Variants in NFAM1 observed in about 807,000 individuals in gnomAD.
NFAM1 encodes the protein NFAT activating protein with ITAM motif 1.
A neutral mutation model predicts 29.0 loss-of-function variants in NFAM1; 17 were observed. The observed-to-expected ratio is 0.59, with a 90% CI of 0.40 to 0.88. The LOEUF is 0.88. Among genes scored for constraint, NFAM1 ranks in the 40% least tolerant of loss-of-function variants. The pLI is 0.00. For missense variants in NFAM1, 324 were observed against 344.6 expected, an observed-to-expected ratio of 0.94 and a Z score of 0.47; for synonymous variants, 175 against 147.2, an observed-to-expected ratio of 1.19 and a Z score of -1.36.
chr22:42,417,564 G>A (rs1376779855), intron 1 of NFAM1, among the ~76,000 whole-genome samples: 1 of 152,170 alleles, frequency 6.6e-6, no homozygotes, highest in South Asian at 2.1e-4. Flanking sequence ...GTGGAGAGCG[G>A]GGCCTGGAGG....
chr22:42,428,244 T>C (rs1056971841), intron 1 of NFAM1, among the ~76,000 whole-genome samples: 2 of 152,140 alleles, frequency 1.3e-5, no homozygotes, highest in East Asian at 3.9e-4. Context: ...CCTCCCGCTC[T>C]GTCCCCACTC....
chr22:42,397,849 G>C lies in NFAM1; in HGVS notation c.663+9C>G, dbSNP rs779000143. 19 of 1,580,996 alleles carry C rather than the reference G, an allele frequency of 1.2e-5. No homozygotes were observed. In the African/African-American group the frequency reaches 2.0e-4, roughly 17 times the overall value. On this transcript the variant is annotated intron_variant, in intron 4 of 5. Transcript: ENST00000329021. ...AGAGGTGGAGGGAGCCGGGGGCCCCGGGACTCACTGTGTAGACAGATTCTG... is the reference window on the plus strand; with the variant it reads ...AGAGGTGGAGGGAGCCGGGGGCCCCCGGACTCACTGTGTAGACAGATTCTG...
In NFAM1 at chr22:42,407,534, A is replaced by T. The variant is rs184291624; in HGVS notation, c.564+1901T>A. Among the ~76,000 whole-genome samples, 34 of 151,488 alleles carry T rather than the reference A, an allele frequency of 2.2e-4. 1 individual carries two copies. The highest frequency in any genetic ancestry group is 8.0e-4 in the African/African-American group (33 of 41,242). On this transcript the variant is annotated intron_variant, in intron 3 of 5. Transcript: ENST00000329021. ...CAGGCGCCTACCACCACACCTGGCTAATGTTTTTGTATTTTTAGTAGAGAT... is the reference window on the plus strand; with the variant it reads ...CAGGCGCCTACCACCACACCTGGCTTATGTTTTTGTATTTTTAGTAGAGAT...
intron 3 of NFAM1, among the ~76,000 whole-genome samples, chr22:42,405,755 A>G (rs1034775143): frequency 1.3e-5 from 2 of 152,120 alleles, no homozygotes; most frequent in African/African-American, 4.8e-5. Flanking sequence ...GCCCTCCTGG[A>G]CTTCACAGTG....
At position 42,389,486 on chromosome 22, in the gene NFAM1, T is replaced by A. The variant is rs545742414; in HGVS notation, c.664-2408A>T. ...AGGCTGTGAAATGCAGGGTGCAGCC[T>A]TGGCAACAGGACACCCTTTGAGCTC... is the stretch of plus-strand genomic sequence containing the variant. On this transcript the variant is annotated intron_variant, in intron 4 of 5. Transcript: ENST00000329021. Among the ~76,000 whole-genome samples the A allele has an allele frequency of 2.0e-5, 3 of 152,274 alleles. No homozygotes were observed. The East Asian group carries it at 5.8e-4, about 29-fold the overall frequency.
intron 1 of NFAM1, among the ~76,000 whole-genome samples, chr22:42,413,037 C>T (rs1308753003): frequency 6.6e-6 from 1 of 152,202 alleles, no homozygotes; most frequent in African/African-American, 2.4e-5. Flanking sequence ...CTGGGGGCAG[C>T]AGCCGCCCCC....
At chr22:42,417,465 C>T (rs754279596) in intron 1 of NFAM1, among the ~76,000 whole-genome samples, 1 of 152,186 alleles carries the variant, frequency 6.6e-6, no homozygotes, top group Admixed American at 6.5e-5. Context: ...GGAAACGTCT[C>T]AAGGAGCCCC....
chr22:42,417,150 C>T (rs11912314), intron 1 of NFAM1, among the ~76,000 whole-genome samples: 4 of 152,036 alleles, frequency 2.6e-5, no homozygotes, highest in African/African-American at 9.7e-5. Flanking sequence ...AGAGAAGAGG[C>T]ACCTCGCCCC....
chr22:42,396,500 TA>T (rs1929530921), intron 4 of NFAM1, among the ~76,000 whole-genome samples: 1 of 151,940 alleles, frequency 6.6e-6, no homozygotes, highest in Non-Finnish European at 1.5e-5. Context: ...TATATATATA[TA>T]TCTCACATAT....
intron 3 of NFAM1, among the ~76,000 whole-genome samples, chr22:42,406,240 G>T (rs2147104163): frequency 6.6e-6 from 1 of 152,278 alleles, no homozygotes; most frequent in South Asian, 2.1e-4. Flanking sequence ...TCCGCTTCCA[G>T]CCTTTCATCT....
chr22:42,415,966 G>T (rs1292959676), intron 1 of NFAM1, among the ~76,000 whole-genome samples: 2 of 152,210 alleles, frequency 1.3e-5, no homozygotes, highest in Non-Finnish European at 2.9e-5. Context: ...AGAAGGGCTG[G>T]TATGGGGAGC....
chr22:42,391,441 C>G (rs1011367587), intron 4 of NFAM1, among the ~76,000 whole-genome samples: 2 of 152,090 alleles, frequency 1.3e-5, no homozygotes, highest in East Asian at 1.9e-4. Context: ...AGGCAAGAAA[C>G]GGGAGTGGCT....
intron 1 of NFAM1, among the ~76,000 whole-genome samples, chr22:42,422,225 A>G (rs1020719096): frequency 6.6e-6 from 1 of 152,194 alleles, no homozygotes. Flanking sequence ...ACACAAACCA[A>G]GTGCAGAACG....
At chr22:42,411,824 G>T in intron 1 of NFAM1, 88 bp from the exon 2 acceptor site, 3 of 870,836 alleles carry the variant, frequency 3.4e-6, no homozygotes, top group Non-Finnish European at 5.5e-6. Context: ...ACGACCGGGT[G>T]CGGTGGCTCA....
At chr22:42,404,081 G>C (rs965619006) in intron 3 of NFAM1, among the ~76,000 whole-genome samples, 1 of 152,134 alleles carries the variant, frequency 6.6e-6, no homozygotes, top group Non-Finnish European at 1.5e-5. Flanking sequence ...CCTCCGGGCA[G>C]ACTTCATGCA....
chr22:42,427,477 G>A (rs1384021602), intron 1 of NFAM1, among the ~76,000 whole-genome samples: 2 of 152,208 alleles, frequency 1.3e-5, no homozygotes, highest in African/African-American at 2.4e-5. Context: ...CTGAGCATCT[G>A]CTGGGTGCTG....
chr22:42,386,373 C>CA (rs1336906418), intron 5 of NFAM1, among the ~76,000 whole-genome samples: 17 of 141,520 alleles, frequency 1.2e-4, no homozygotes, highest in Non-Finnish European at 2.1e-4. Context: ...GACTCTGTCT[C>CA]AAAACAAAAA....
At chr22:42,415,999 T>C (rs957601622) in intron 1 of NFAM1, among the ~76,000 whole-genome samples, 1 of 151,944 alleles carries the variant, frequency 6.6e-6, no homozygotes, top group Non-Finnish European at 1.5e-5. Context: ...TGGGATGAGG[T>C]TGGGGTGCAG....
Position 42,419,981 on chromosome 22 carries a change from C to A in NFAM1, c.122-8245G>T, listed in dbSNP as rs1569234666. The stretch of plus-strand genomic sequence containing the variant: ...GCTGGGTCCCTTTGAGTCTGTAATC[C>A]CACTCTTGGTTTTTTTTTTTTTTTT... On this transcript the variant is annotated intron_variant, in intron 1 of 5. Coordinates refer to ENST00000329021, the MANE Select transcript of NFAM1 (RefSeq NM_145912.8). The surrounding 1 kb of genome is among the most constrained non-coding windows in gnomAD (Gnocchi z 4.5). Among the ~76,000 whole-genome samples, 1 of 137,750 alleles carries A rather than the reference C, an allele frequency of 7.3e-6. No individual in the cohort carries two copies. The highest frequency in any genetic ancestry group is 2.3e-4 in the South Asian group (1 of 4,362). 90.4% of individuals were successfully genotyped at this position (137,750 alleles called of 152,430 possible). A position where few individuals can be genotyped will look rare whatever the true frequency, so the allele number is the denominator to read the frequency against.
Sources: allele counts gnomAD v4.1 joint callset (sites outside exome capture counted in the v4.1 genomes callset), GRCh38; gene constraint gnomAD v4.1.1; non-coding constraint Gnocchi (gnomAD v3.1); transcripts MANE v1.5; gene names NCBI Gene and HGNC (gene_info 2026-07-23, HGNC 2026-07-21).